The following MCC variants were observed in gnomAD, a reference collection of about 807,000 sequenced individuals.
MCC encodes MCC regulator of Wnt signaling pathway.
In MCC, 90 loss-of-function variants were observed where a neutral mutation model predicts 116.2. That is an observed-to-expected ratio of 0.77 (90% CI 0.65 to 0.92). MCC has a LOEUF of 0.92. Ranked by LOEUF, MCC falls within the 40% of genes least tolerant of loss-of-function variation. The pLI, the probability that MCC is intolerant of heterozygous loss-of-function variation, is 0.00. For synonymous variants in MCC, 578 were observed against 510.5 expected (o/e 1.13, Z -1.78); for missense variants, 1,516 against 1,312.2 (o/e 1.16, Z -2.40).
chr5:113,196,270 C>T (rs1267616481), intron 3 of MCC, among the ~76,000 whole-genome samples: 1 of 152,208 alleles, frequency 6.6e-6, no homozygotes, highest in South Asian at 2.1e-4. Context: ...TCTTTCCTGA[C>T]ATCAGGCTCT....
chr5:113,080,082 G>A (rs1754743998), intron 11 of MCC, among the ~76,000 whole-genome samples: 1 of 152,164 alleles, frequency 6.6e-6, no homozygotes, highest in East Asian at 1.9e-4. Flanking sequence ...TCAGAGAAAT[G>A]CAAATCAAAA....
chr5:113,035,501 C>T (rs991997880), intron 17 of MCC, among the ~76,000 whole-genome samples: 5 of 152,228 alleles, frequency 3.3e-5, no homozygotes, highest in South Asian at 4.1e-4. Flanking sequence ...TTCACCTACA[C>T]GTGGAATAAA....
At position 113,340,629 on chromosome 5, in the gene MCC, C is replaced by T. The variant is rs773151751; in HGVS notation, c.517G>A (p.Glu173Lys). 1.7e-5 allele frequency: 28 copies of T among 1,614,162 alleles called. No homozygotes were observed. The East Asian group carries it at 1.8e-4, about 10-fold the overall frequency. ...TGATGCAAAGAGCTTCCGCCATACT[C>T]GAGCAGCTTCTGGAGGGCTGACTGG... is the stretch of plus-strand genomic sequence containing the variant. ...QSQSALQKLL[E>K]YGGSSLHQQA... Residue 173 changes from glutamate (E) to lysine (K), a missense_variant, in exon 3 of 19, where the codon GAG becomes AAG. Physicochemically the swap from Glu to Lys is moderately conservative, Grantham distance 56. Transcript: ENST00000408903.
In MCC at chr5:113,151,473, C is replaced by A. The variant is rs753448848; in HGVS notation, c.628-51G>T. 1.9e-5 allele frequency: 19 copies of A among 1,016,730 alleles called. No homozygotes were observed. In the East Asian group the frequency reaches 4.7e-4, roughly 25 times the overall value. 63.0% of individuals were successfully genotyped at this position (1,016,730 alleles called of 1,614,324 possible). A position where few individuals can be genotyped will look rare whatever the true frequency, so the allele number is the denominator to read the frequency against. On this transcript the variant is annotated intron_variant, in intron 3 of 18. Transcript: ENST00000408903. ...AGAGTATTGTAGCAGAGATGTATTTCCTTCCCTTCATTCCCGCAACTAGTA... is the reference window on the plus strand; with the variant it reads ...AGAGTATTGTAGCAGAGATGTATTTACTTCCCTTCATTCCCGCAACTAGTA...
chr5:113,302,374 T>A (rs78897606), intron 3 of MCC, among the ~76,000 whole-genome samples: 3,148 of 152,272 alleles, frequency 0.021, 33 homozygotes, highest in Middle Eastern at 0.027. Flanking sequence ...ACTCTGCATA[T>A]TAAAAGAGAC....
At chr5:113,273,883 T>A (rs1027841715) in intron 3 of MCC, among the ~76,000 whole-genome samples, 1 of 152,124 alleles carries the variant, frequency 6.6e-6, no homozygotes, top group Admixed American at 6.5e-5. Context: ...TCTGTTCCTG[T>A]CTCCTTCCTT....
At chr5:113,451,140 G>A (rs549339414) in intron 1 of MCC, among the ~76,000 whole-genome samples, 13 of 152,082 alleles carry the variant, frequency 8.5e-5, no homozygotes, top group Non-Finnish European at 1.6e-4. Flanking sequence ...ATAGCTGGTG[G>A]CATACCGCCA....
chr5:113,471,860 T>C (rs1348604885), intron 1 of MCC, among the ~76,000 whole-genome samples: 2 of 152,040 alleles, frequency 1.3e-5, no homozygotes, highest in African/African-American at 4.8e-5. Flanking sequence ...AACTCAGTAA[T>C]GGCGGGCGCC....
intron 2 of MCC, among the ~76,000 whole-genome samples, chr5:113,384,448 C>T (rs975541501): frequency 2.0e-5 from 3 of 152,012 alleles, no homozygotes; most frequent in South Asian, 4.2e-4. Flanking sequence ...ATTAGCTGGG[C>T]GTGGTAGCAG....
At chr5:113,045,751 A>G (rs1266718019) in intron 16 of MCC, among the ~76,000 whole-genome samples, 1 of 150,864 alleles carries the variant, frequency 6.6e-6, no homozygotes, top group Non-Finnish European at 1.5e-5. Context: ...GTGAGCTGAG[A>G]TCGCACCACT....
chr5:113,287,966 G>C (rs1424785318), intron 3 of MCC, among the ~76,000 whole-genome samples: 1 of 152,224 alleles, frequency 6.6e-6, no homozygotes, highest in African/African-American at 2.4e-5. Flanking sequence ...GGCCATCCCA[G>C]TTCTGATCAC....
chr5:113,260,502 T>C (rs1271840770), intron 3 of MCC, among the ~76,000 whole-genome samples: 2 of 152,172 alleles, frequency 1.3e-5, no homozygotes, highest in Non-Finnish European at 2.9e-5. Flanking sequence ...GAAGGGTGTC[T>C]TGCAATCATC....
intron 3 of MCC, among the ~76,000 whole-genome samples, chr5:113,299,301 A>C: frequency 9.4e-5 from 1 of 10,602 alleles, no homozygotes; most frequent in Non-Finnish European, 1.8e-4. Context: ...TCAAAAAAAA[A>C]AAAAAAAAAA....
chr5:113,243,788 C>G (rs539408393), intron 3 of MCC, among the ~76,000 whole-genome samples: 34 of 152,384 alleles, frequency 2.2e-4, no homozygotes, highest in African/African-American at 7.9e-4. Context: ...GGACACACCT[C>G]TCAGGACTGC....
chr5:113,168,071 A>G (rs962062749), intron 3 of MCC, among the ~76,000 whole-genome samples: 3 of 152,230 alleles, frequency 2.0e-5, no homozygotes, highest in African/African-American at 7.2e-5. Context: ...GAAAAAGTGC[A>G]AACATGGCAA....
chr5:113,418,357 A>G (rs2150405958), intron 1 of MCC, among the ~76,000 whole-genome samples: 1 of 151,864 alleles, frequency 6.6e-6, no homozygotes, highest in South Asian at 2.1e-4. Context: ...GAAATAAAAA[A>G]TGAATTCATT....
At chr5:113,273,651 G>C (rs1765702147) in intron 3 of MCC, among the ~76,000 whole-genome samples, 1 of 152,160 alleles carries the variant, frequency 6.6e-6, no homozygotes. Flanking sequence ...ACAACTGTTA[G>C]GAAAGAGGGG....
intron 3 of MCC, among the ~76,000 whole-genome samples, chr5:113,200,793 A>C (rs1253839307): frequency 6.6e-6 from 1 of 152,252 alleles, no homozygotes; most frequent in Non-Finnish European, 1.5e-5. Flanking sequence ...CCAGGTGGCT[A>C]CCTAGGTGAG....
intron 3 of MCC, among the ~76,000 whole-genome samples, chr5:113,333,871 A>ACATATGTACATATATGTATATATGTG (rs1561527971): frequency 7.7e-5 from 10 of 129,692 alleles, no homozygotes; most frequent in African/African-American, 2.4e-4. Flanking sequence ...GTATATATGT[A>ACATATGTACATATATGTATATATGTG]TTCACATATA....
Sources: allele counts gnomAD v4.1 joint callset (sites outside exome capture counted in the v4.1 genomes callset), GRCh38; gene constraint gnomAD v4.1.1; transcripts MANE v1.5; gene names NCBI Gene and HGNC (gene_info 2026-07-23, HGNC 2026-07-21).